The following SH3RF1 variants were observed in gnomAD, a reference collection of about 807,000 sequenced individuals.
The protein encoded by SH3RF1 is SH3 domain containing ring finger 1.
A neutral mutation model predicts 74.0 loss-of-function variants in SH3RF1; 32 were observed. That is an observed-to-expected ratio of 0.43 (90% CI 0.33 to 0.58). SH3RF1 has a LOEUF of 0.58. Among genes scored for constraint, SH3RF1 ranks in the 20% least tolerant of loss-of-function variants. The pLI is 0.05. For missense variants in SH3RF1, 954 were observed against 1,130.9 expected (o/e 0.84, Z 2.24); for synonymous variants, 396 against 439.6 (o/e 0.90, Z 1.24).
intron 2 of SH3RF1, among the ~76,000 whole-genome samples, chr4:169,199,305 A>G (rs1051682880): frequency 1.3e-4 from 20 of 152,244 alleles, no homozygotes; most frequent in African/African-American, 4.8e-4. Flanking sequence ...ACAAACCCCC[A>G]GATTTCAGTG....
At chr4:169,222,528 T>A (rs939916957) in intron 2 of SH3RF1, among the ~76,000 whole-genome samples, 2 of 149,154 alleles carry the variant, frequency 1.3e-5, no homozygotes, top group Non-Finnish European at 3.0e-5. Context: ...TATATATAAA[T>A]CATTAACTGT....
intron 2 of SH3RF1, among the ~76,000 whole-genome samples, chr4:169,257,756 C>A (rs183394797): frequency 5.0e-4 from 76 of 152,308 alleles, no homozygotes; most frequent in African/African-American, 1.7e-3. Flanking sequence ...AATAATCTGG[C>A]AGAACAGAGG....
chr4:169,189,926 C>T (rs1001248572), intron 2 of SH3RF1, among the ~76,000 whole-genome samples: 2 of 152,146 alleles, frequency 1.3e-5, no homozygotes, highest in Non-Finnish European at 2.9e-5. Flanking sequence ...CAAAAGGAAC[C>T]TTCAAAACCA....
chr4:169,162,414 A>C (rs1734164360), intron 2 of SH3RF1, among the ~76,000 whole-genome samples: 1 of 152,180 alleles, frequency 6.6e-6, no homozygotes, highest in Non-Finnish European at 1.5e-5. Flanking sequence ...TATTTTTCCA[A>C]AGTAACATCA....
chr4:169,196,576 T>C (rs1264806118), intron 2 of SH3RF1, among the ~76,000 whole-genome samples: 2 of 152,228 alleles, frequency 1.3e-5, no homozygotes, highest in East Asian at 3.8e-4. Context: ...ACTAGTACTG[T>C]AGAATCACCT....
intron 2 of SH3RF1, among the ~76,000 whole-genome samples, chr4:169,265,808 C>G (rs1044088591): frequency 6.6e-6 from 1 of 152,196 alleles, no homozygotes; most frequent in Non-Finnish European, 1.5e-5. Context: ...AAGTTAATAT[C>G]TATGCATATT....
chr4:169,165,810 C>T (rs1734232783), intron 2 of SH3RF1, among the ~76,000 whole-genome samples: 1 of 152,092 alleles, frequency 6.6e-6, no homozygotes, highest in African/African-American at 2.4e-5. Context: ...TAAACCTACA[C>T]ACATATAAAC....
At chr4:169,178,639 GTATA>G (rs1432115508) in intron 2 of SH3RF1, among the ~76,000 whole-genome samples, 4 of 152,148 alleles carry the variant, frequency 2.6e-5, no homozygotes, top group Non-Finnish European at 5.9e-5. Context: ...GTTAGATGAG[GTATA>G]AACTGGGATC....
intron 2 of SH3RF1, among the ~76,000 whole-genome samples, chr4:169,204,940 A>G (rs1229636865): frequency 6.6e-6 from 1 of 152,164 alleles, no homozygotes; most frequent in African/African-American, 2.4e-5. Flanking sequence ...CTGCTTGCTG[A>G]TTTTTAAAAA....
At chr4:169,160,966 G>C (rs1011256687) in intron 2 of SH3RF1, among the ~76,000 whole-genome samples, 1 of 152,196 alleles carries the variant, frequency 6.6e-6, no homozygotes, top group African/African-American at 2.4e-5. Flanking sequence ...TCCTTCGAAA[G>C]GTCTGAGAGT....
At chr4:169,262,421 CT>C (rs1201970577) in intron 2 of SH3RF1, among the ~76,000 whole-genome samples, 1 of 152,120 alleles carries the variant, frequency 6.6e-6, no homozygotes, top group Non-Finnish European at 1.5e-5. Flanking sequence ...AATCCCAGCA[CT>C]TTGGGAGGCT....
At chr4:169,197,827 T>C (rs1331227931) in intron 2 of SH3RF1, among the ~76,000 whole-genome samples, 1 of 152,130 alleles carries the variant, frequency 6.6e-6, no homozygotes, top group African/African-American at 2.4e-5. Flanking sequence ...TTGGTTAGAA[T>C]AATATTATAT....
At chr4:169,254,195 T>TGTGA in intron 2 of SH3RF1, among the ~76,000 whole-genome samples, 1 of 152,332 alleles carries the variant, frequency 6.6e-6, no homozygotes, top group Admixed American at 6.5e-5. Context: ...AATTCTGGAA[T>TGTGA]GTGAGTAGTC....
chr4:169,100,826 C>T (rs768339315), intron 11 of SH3RF1, among the ~76,000 whole-genome samples: 3 of 152,192 alleles, frequency 2.0e-5, no homozygotes, highest in Non-Finnish European at 4.4e-5. Context: ...GTCCCAAACA[C>T]TCCCCTAAGC....
chr4:169,130,244 T>TG, intron 5 of SH3RF1, 88 bp from the exon 6 acceptor site: 2 of 763,236 alleles, frequency 2.6e-6, no homozygotes, highest in South Asian at 5.4e-5. Context: ...CAAGTCACAT[T>TG]AAAAAAAAAA....
At chr4:169,260,420 T>G (rs1027323723) in intron 2 of SH3RF1, among the ~76,000 whole-genome samples, 1 of 152,138 alleles carries the variant, frequency 6.6e-6, no homozygotes, top group African/African-American at 2.4e-5. Context: ...CAGACCACAG[T>G]TGCAGGCCAG....
intron 5 of SH3RF1, among the ~76,000 whole-genome samples, chr4:169,131,139 G>A (rs552757947): frequency 6.6e-6 from 1 of 152,286 alleles, no homozygotes; most frequent in East Asian, 1.9e-4. Context: ...AGGACCTAAT[G>A]GAAACTTTCA....
Position 169,107,052 on chromosome 4 carries a change from C to T in SH3RF1, c.2293G>A (p.Gly765Ser). The change falls in exon 11 of 12, where the codon GGT becomes AGT. Residue 765 changes from glycine to serine, a missense_variant. Gly to Ser is a moderately conservative substitution (Grantham distance 56, BLOSUM62 0). This residue lies in a region of SH3RF1 where 854 missense variants were observed against 962.5 expected (regional missense o/e 0.89). Transcript: ENST00000284637. ...GAVGPELPPG[G>S]GHGRAGSCPV... ...CAGGAGCCTGCCCTGCCATGGCCAC[C>T]TCCTGGTGGCAGTTCGGGCCCCACC... The T allele has an allele frequency of 6.2e-7, 1 of 1,614,008 alleles. No individual in the cohort carries two copies. Among genetic ancestry groups the T allele is most frequent in the African/African-American group, 1.3e-5 (1 of 75,060 alleles).
chr4:169,113,270 C>T (rs889610385), intron 10 of SH3RF1, among the ~76,000 whole-genome samples: 1 of 152,060 alleles, frequency 6.6e-6, no homozygotes, highest in Non-Finnish European at 1.5e-5. Flanking sequence ...GCCACCACAC[C>T]CAGCTAATTT....
Sources: allele counts gnomAD v4.1 joint callset (sites outside exome capture counted in the v4.1 genomes callset), GRCh38; gene constraint gnomAD v4.1.1; regional missense constraint gnomAD v4.1.1; transcripts MANE v1.5; gene names NCBI Gene and HGNC (gene_info 2026-07-23, HGNC 2026-07-21).